Variants in CNTN3 observed in about 807,000 individuals in gnomAD.
CNTN3 encodes the protein contactin-3.
In CNTN3, 60 loss-of-function variants were observed where a neutral mutation model predicts 119.1. The observed-to-expected ratio is 0.50, with a 90% CI of 0.41 to 0.62. CNTN3 has a LOEUF of 0.62. Ranked by LOEUF, CNTN3 falls within the 20% of genes least tolerant of loss-of-function variation. CNTN3 has a pLI of 0.00. For missense variants in CNTN3, 1,101 were observed against 1,242.4 expected, an observed-to-expected ratio of 0.89 and a Z score of 1.71; for synonymous variants, 450 against 438.7, an observed-to-expected ratio of 1.03 and a Z score of -0.32.
intron 19 of CNTN3, among the ~76,000 whole-genome samples, chr3:74,292,030 C>G (rs576290766): frequency 3.5e-4 from 54 of 152,262 alleles, no homozygotes; most frequent in African/African-American, 1.3e-3. Flanking sequence ...CAATTTTCCT[C>G]CTGTGACCCT....
At chr3:74,427,860 A>G (rs1014282661) in intron 4 of CNTN3, among the ~76,000 whole-genome samples, 5 of 152,200 alleles carry the variant, frequency 3.3e-5, no homozygotes, top group African/African-American at 1.2e-4. Context: ...AATGAAAATT[A>G]CAGAATGCTA....
At chr3:74,346,733 ACATCCATCCATCCATC>A (rs61572054) in intron 11 of CNTN3, among the ~76,000 whole-genome samples, 44 of 144,514 alleles carry the variant, frequency 3.0e-4, no homozygotes, top group South Asian at 2.1e-3. Context: ...ATCTCATTTG[ACATCCATCCATCCATC>A]CATCCATCCA....
chr3:74,430,512 G>A (rs1559597820), intron 4 of CNTN3, among the ~76,000 whole-genome samples: 1 of 152,204 alleles, frequency 6.6e-6, no homozygotes. Flanking sequence ...AGAGGCTGAG[G>A]TAGGAGGGTT....
At chr3:74,518,943 T>G (rs2107118142) in intron 2 of CNTN3, among the ~76,000 whole-genome samples, 1 of 151,992 alleles carries the variant, frequency 6.6e-6, no homozygotes, top group East Asian at 1.9e-4. Context: ...CCATTGTTCC[T>G]GTTTGGTGAC....
chr3:74,292,821 C>T (rs542465976), intron 19 of CNTN3, among the ~76,000 whole-genome samples: 3 of 152,190 alleles, frequency 2.0e-5, no homozygotes, highest in Non-Finnish European at 4.4e-5. Flanking sequence ...CTTCCAGCCC[C>T]TATATCTTTA....
intron 14 of CNTN3, 80 bp from the exon 15 acceptor site, chr3:74,301,885 C>T (rs1702466609): frequency 2.1e-6 from 3 of 1,461,770 alleles, no homozygotes; most frequent in Non-Finnish European, 2.8e-6. Flanking sequence ...GAGAATGTCA[C>T]ATGACCACTT....
intron 11 of CNTN3, among the ~76,000 whole-genome samples, chr3:74,347,647 A>C (rs566328675): frequency 1.0e-3 from 158 of 152,294 alleles, no homozygotes; most frequent in Middle Eastern, 0.01. Flanking sequence ...TTCCTTATGC[A>C]AGCTCCATGA....
At chr3:74,532,361 CT>C (rs1336502159) in intron 1 of CNTN3, among the ~76,000 whole-genome samples, 1 of 151,980 alleles carries the variant, frequency 6.6e-6, no homozygotes. Context: ...CCAAGACCCC[CT>C]GGTGGATGCT....
intron 1 of CNTN3, among the ~76,000 whole-genome samples, chr3:74,594,511 T>A (rs1283838171): frequency 3.3e-5 from 5 of 151,952 alleles, no homozygotes; most frequent in Non-Finnish European, 1.5e-5. Flanking sequence ...TTCTCATTGT[T>A]CAATTCCCAT....
At chr3:74,337,891 T>C (rs1407255898) in intron 11 of CNTN3, among the ~76,000 whole-genome samples, 2 of 151,732 alleles carry the variant, frequency 1.3e-5, no homozygotes, top group Non-Finnish European at 2.9e-5. Context: ...ATAGGGTGCA[T>C]CAGAAAAGCC....
chr3:74,511,343 A>G (rs1241719885), intron 2 of CNTN3, among the ~76,000 whole-genome samples: 1 of 152,020 alleles, frequency 6.6e-6, no homozygotes. Flanking sequence ...CTTGCAAAAT[A>G]AGTTGATTTA....
chr3:74,352,389 A>T (rs1703836235), intron 11 of CNTN3, among the ~76,000 whole-genome samples: 1 of 152,146 alleles, frequency 6.6e-6, no homozygotes, highest in African/African-American at 2.4e-5. Context: ...CACCTTCACT[A>T]GAGGCAGGAT....
chr3:74,581,422 G>C (rs1276313822), intron 1 of CNTN3, among the ~76,000 whole-genome samples: 1 of 152,112 alleles, frequency 6.6e-6, no homozygotes, highest in Non-Finnish European at 1.5e-5. Context: ...TAACAGATAT[G>C]TGCAATACTC....
At chr3:74,587,260 G>A (rs531435823) in intron 1 of CNTN3, among the ~76,000 whole-genome samples, 4 of 152,118 alleles carry the variant, frequency 2.6e-5, no homozygotes, top group African/African-American at 7.2e-5. Flanking sequence ...GTTTACAAAT[G>A]TCATTGTTTT....
chr3:74,325,902 C>A (rs768683529), intron 13 of CNTN3, among the ~76,000 whole-genome samples: 1 of 152,084 alleles, frequency 6.6e-6, no homozygotes. Context: ...CCAGAATATT[C>A]TCTGGAAATT....
intron 1 of CNTN3, among the ~76,000 whole-genome samples, chr3:74,593,423 C>T (rs947620296): frequency 2.0e-5 from 3 of 152,040 alleles, no homozygotes; most frequent in African/African-American, 4.8e-5. Flanking sequence ...AAGACAACTT[C>T]GTGTGACTTT....
chr3:74,352,399 T>C (rs1360529673), intron 11 of CNTN3, among the ~76,000 whole-genome samples: 5 of 152,344 alleles, frequency 3.3e-5, no homozygotes, highest in African/African-American at 1.2e-4. Context: ...AGAGGCAGGA[T>C]GGAATGTCCA....
chr3:74,369,147 A>G, intron 8 of CNTN3, 42 bp downstream of exon 8: 1 of 1,441,394 alleles, frequency 6.9e-7, no homozygotes, highest in Non-Finnish European at 9.3e-7. Context: ...TAGATGAGAA[A>G]GTAAAAGCTA....
chr3:74,484,426 A>G (rs1250454832), intron 4 of CNTN3, among the ~76,000 whole-genome samples: 1 of 152,116 alleles, frequency 6.6e-6, no homozygotes, highest in African/African-American at 2.4e-5. Flanking sequence ...AGATGAAAAG[A>G]ATTTCAAAGA....
Sources: allele counts gnomAD v4.1 joint callset (sites outside exome capture counted in the v4.1 genomes callset), GRCh38; gene constraint gnomAD v4.1.1; transcripts MANE v1.5; gene names NCBI Gene and HGNC (gene_info 2026-07-23, HGNC 2026-07-21).